Variants in IQCJ observed in about 807,000 individuals in gnomAD.
IQCJ encodes IQ domain-containing protein J.
IQCJ carries 9 observed loss-of-function variants against 11.0 expected under a neutral mutation model. The observed-to-expected ratio is 0.82, with a 90% CI of 0.49 to 1.43. The LOEUF (loss-of-function observed/expected upper bound fraction) is 1.43. IQCJ is among the 40% of genes most tolerant of loss of function. IQCJ has a pLI of 0.00. For synonymous variants in IQCJ, 55 were observed against 51.3 expected (o/e 1.07, Z -0.31); for missense variants, 146 against 133.2 (o/e 1.10, Z -0.47).
intron 1 of IQCJ, among the ~76,000 whole-genome samples, chr3:159,151,506 T>G (rs539086637): frequency 4.6e-5 from 7 of 152,364 alleles, no homozygotes; most frequent in Admixed American, 2.0e-4. Flanking sequence ...CTCCCCAGCC[T>G]GTCCTCTGTG....
At chr3:159,115,283 A>ACACCCC (rs1250208876) in intron 1 of IQCJ, among the ~76,000 whole-genome samples, 1 of 152,124 alleles carries the variant, frequency 6.6e-6, no homozygotes, top group East Asian at 1.9e-4. Flanking sequence ...CATCCCTTCA[A>ACACCCC]CACCCCCACC....
intron 1 of IQCJ, among the ~76,000 whole-genome samples, chr3:159,226,762 G>A (rs1302570631): frequency 6.6e-6 from 1 of 152,196 alleles, no homozygotes; most frequent in South Asian, 2.1e-4. Flanking sequence ...GAGACAGGGA[G>A]GGAAGTGTAA....
At chr3:159,158,931 G>C (rs1416748444) in intron 1 of IQCJ, among the ~76,000 whole-genome samples, 2 of 152,138 alleles carry the variant, frequency 1.3e-5, no homozygotes, top group Non-Finnish European at 2.9e-5. Context: ...GAAGGAAGAG[G>C]TTCATACCCA....
intron 1 of IQCJ, among the ~76,000 whole-genome samples, chr3:159,078,685 CA>C (rs1372459311): frequency 6.6e-6 from 1 of 152,004 alleles, no homozygotes; most frequent in Non-Finnish European, 1.5e-5. Flanking sequence ...CCAGGAATGG[CA>C]AATTGAACTT....
intron 1 of IQCJ, among the ~76,000 whole-genome samples, chr3:159,094,374 C>A (rs1462090030): frequency 6.9e-6 from 1 of 145,536 alleles, no homozygotes; most frequent in East Asian, 2.0e-4. Flanking sequence ...CAGTGGTCTT[C>A]AGGATCTTTT....
intron 1 of IQCJ, among the ~76,000 whole-genome samples, chr3:159,155,917 C>G (rs1166353477): frequency 6.6e-6 from 1 of 152,160 alleles, no homozygotes; most frequent in Non-Finnish European, 1.5e-5. Context: ...GCTCAGTGTA[C>G]ATTTATTAAG....
chr3:159,187,227 G>T (rs1723423233), intron 1 of IQCJ, among the ~76,000 whole-genome samples: 1 of 152,208 alleles, frequency 6.6e-6, no homozygotes, highest in African/African-American at 2.4e-5. Context: ...GAGAGAAAAG[G>T]CTATTGCCTC....
At chr3:159,105,746 G>A (rs796677847) in intron 1 of IQCJ, among the ~76,000 whole-genome samples, 24 of 152,134 alleles carry the variant, frequency 1.6e-4, no homozygotes, top group South Asian at 6.2e-4. Context: ...GAACAAAGAG[G>A]CCCCTGAGAT....
rs554081419 is a variant in IQCJ, at chr3:159,080,351, C to G, written c.9+10910C>G. On this transcript the variant is annotated intron_variant, in intron 1 of 3. Transcript: ENST00000397832. ...AATAAAACAGTCAGGGGCGTATAAA[C>G]TCTTCCACTGTGGTTATCATCACAT... Among the ~76,000 whole-genome samples the G allele has an allele frequency of 1.4e-4, 22 of 152,210 alleles. No homozygotes were observed. The South Asian group carries it at 4.6e-3, about 32-fold the overall frequency.
Position 159,127,376 on chromosome 3 carries a change from C to T in IQCJ, c.9+57935C>T, listed in dbSNP as rs182747386. 1.6e-4 allele frequency among the ~76,000 whole-genome samples: 24 copies of T among 152,280 alleles called. No individual in the cohort carries two copies. The East Asian group carries it at 3.9e-3, about 25-fold the overall frequency. ...TGGGCCAGAAACCTAATCTTTCTGC[C>T]TCCAAGTTTACACCCCTGTATGTTG... is the stretch of plus-strand genomic sequence containing the variant. On this transcript the variant is annotated intron_variant, in intron 1 of 3. Coordinates refer to ENST00000397832, the MANE Select transcript of IQCJ (RefSeq NM_001042706.3).
At chr3:159,078,705 A>G (rs941457235) in intron 1 of IQCJ, among the ~76,000 whole-genome samples, 10 of 152,050 alleles carry the variant, frequency 6.6e-5, no homozygotes, top group Non-Finnish European at 1.0e-4. Flanking sequence ...TTTCTCCCCA[A>G]AGTGAATTAT....
chr3:159,073,730 A>G (rs953014236), intron 1 of IQCJ, among the ~76,000 whole-genome samples: 1 of 152,068 alleles, frequency 6.6e-6, no homozygotes, highest in African/African-American at 2.4e-5. Context: ...TATAATTCCA[A>G]TGCATAATAC....
chr3:159,164,716 C>T (rs1477129536), intron 1 of IQCJ, among the ~76,000 whole-genome samples: 2 of 152,086 alleles, frequency 1.3e-5, no homozygotes, highest in Non-Finnish European at 2.9e-5. Context: ...TGTGGTGAGC[C>T]GAGATCACGC....
At chr3:159,095,655 G>A (rs1717691403) in intron 1 of IQCJ, among the ~76,000 whole-genome samples, 1 of 58,926 alleles carries the variant, frequency 1.7e-5, no homozygotes, top group Non-Finnish European at 3.2e-5. Context: ...GAGAATGATG[G>A]TTTCCAATTT....
At chr3:159,096,194 C>T (rs1453682820) in intron 1 of IQCJ, among the ~76,000 whole-genome samples, 3,152 of 119,410 alleles carry the variant, frequency 0.026, 175 homozygotes, top group African/African-American at 0.1. Flanking sequence ...TGTCCTTCGC[C>T]CACTTTTTGA....
chr3:159,073,916 T>G (rs1715747071), intron 1 of IQCJ, among the ~76,000 whole-genome samples: 1 of 152,106 alleles, frequency 6.6e-6, no homozygotes, highest in Admixed American at 6.6e-5. Flanking sequence ...TAGGTCATAT[T>G]TAATTCTGGG....
intron 1 of IQCJ, among the ~76,000 whole-genome samples, chr3:159,152,318 G>T (rs751147401): frequency 6.6e-6 from 1 of 152,120 alleles, no homozygotes; most frequent in Non-Finnish European, 1.5e-5. Flanking sequence ...GCTGAAAAAG[G>T]CTGTTAATTC....
intron 1 of IQCJ, among the ~76,000 whole-genome samples, chr3:159,191,273 C>G (rs569150337): frequency 6.6e-6 from 1 of 152,240 alleles, no homozygotes; most frequent in African/African-American, 2.4e-5. Flanking sequence ...TTTAGGTGTA[C>G]AGTTAGCCAT....
At chr3:159,146,831 A>C (rs912686732) in intron 1 of IQCJ, among the ~76,000 whole-genome samples, 1 of 152,230 alleles carries the variant, frequency 6.6e-6, no homozygotes, top group African/African-American at 2.4e-5. Context: ...GAACTTTGTG[A>C]TTCCATCACA....
Sources: allele counts gnomAD v4.1 joint callset (sites outside exome capture counted in the v4.1 genomes callset), GRCh38; gene constraint gnomAD v4.1.1; transcripts MANE v1.5; gene names NCBI Gene and HGNC (gene_info 2026-07-23, HGNC 2026-07-21).